Variants in TMEM232 observed in about 807,000 individuals in gnomAD.
TMEM232 encodes transmembrane protein 232.
TMEM232 carries 80 observed loss-of-function variants against 78.8 expected under a neutral mutation model. The observed-to-expected ratio is 1.01, with a 90% CI of 0.85 to 1.22. The LOEUF is 1.22. Among genes scored for constraint, TMEM232 ranks in the 50% most tolerant of loss-of-function variants. TMEM232 has a pLI of 0.00. For synonymous variants in TMEM232, 297 were observed against 254.3 expected, an observed-to-expected ratio of 1.17 and a Z score of -1.60; for missense variants, 881 against 742.2, an observed-to-expected ratio of 1.19 and a Z score of -2.17.
At chr5:110,526,672 A>C (rs1403399124) in intron 12 of TMEM232, among the ~76,000 whole-genome samples, 1 of 152,082 alleles carries the variant, frequency 6.6e-6, no homozygotes, top group East Asian at 1.9e-4. Context: ...AAAGGCATAT[A>C]TACTTTGACC....
intron 4 of TMEM232, among the ~76,000 whole-genome samples, chr5:110,639,836 G>C (rs139897001): frequency 0.024 from 3,684 of 152,298 alleles, 44 homozygotes; most frequent in African/African-American, 0.032. Flanking sequence ...GTTCACCATA[G>C]GCTTCACACA....
At chr5:110,452,997 A>G (rs1423799640) in intron 12 of TMEM232, among the ~76,000 whole-genome samples, 1 of 152,204 alleles carries the variant, frequency 6.6e-6, no homozygotes, top group African/African-American at 2.4e-5. Flanking sequence ...AATCATAGCT[A>G]ATTCATGAAG....
chr5:110,472,344 A>T (rs1034030111), intron 12 of TMEM232, among the ~76,000 whole-genome samples: 1 of 152,002 alleles, frequency 6.6e-6, no homozygotes, highest in African/African-American at 2.4e-5. Flanking sequence ...CTAAGGAGGT[A>T]AAAAATCTCC....
At chr5:110,614,200 T>C (rs1354553433) in intron 8 of TMEM232, among the ~76,000 whole-genome samples, 1 of 152,120 alleles carries the variant, frequency 6.6e-6, no homozygotes, top group Non-Finnish European at 1.5e-5. Context: ...CTTCTTCACT[T>C]GATAATTTCC....
At chr5:110,467,993 T>A (rs1392573580) in intron 12 of TMEM232, among the ~76,000 whole-genome samples, 1 of 151,746 alleles carries the variant, frequency 6.6e-6, no homozygotes, top group Non-Finnish European at 1.5e-5. Flanking sequence ...TTGTGGCCAA[T>A]CCCCACTTTT....
At chr5:110,461,517 T>A (rs1761528308) in intron 12 of TMEM232, among the ~76,000 whole-genome samples, 1 of 152,210 alleles carries the variant, frequency 6.6e-6, no homozygotes, top group Non-Finnish European at 1.5e-5. Flanking sequence ...CAGCAAGTTA[T>A]CCAAAGGATA....
chr5:110,569,514 G>A (rs1416157176), intron 10 of TMEM232, among the ~76,000 whole-genome samples: 1 of 151,820 alleles, frequency 6.6e-6, no homozygotes, highest in Non-Finnish European at 1.5e-5. Context: ...AGAAGAATAA[G>A]AAGAGGAAAT....
intron 12 of TMEM232, among the ~76,000 whole-genome samples, chr5:110,508,932 A>T (rs1192812734): frequency 7.1e-6 from 1 of 141,274 alleles, no homozygotes; most frequent in Non-Finnish European, 1.5e-5. Context: ...ATATATAATT[A>T]TATATATACA....
chr5:110,538,738 C>T (rs1425386540), intron 11 of TMEM232, among the ~76,000 whole-genome samples: 2 of 152,132 alleles, frequency 1.3e-5, no homozygotes, highest in South Asian at 2.1e-4. Context: ...TTCCTCACTG[C>T]CCCTGTCCAG....
At chr5:110,515,765 C>A (rs371190229) in intron 12 of TMEM232, among the ~76,000 whole-genome samples, 13 of 152,192 alleles carry the variant, frequency 8.5e-5, no homozygotes, top group Non-Finnish European at 5.9e-5. Flanking sequence ...TCTACTACTA[C>A]GGCACCAGCT....
At chr5:110,674,847 C>A (rs1448604978) in intron 1 of TMEM232, among the ~76,000 whole-genome samples, 2 of 152,062 alleles carry the variant, frequency 1.3e-5, no homozygotes, top group African/African-American at 2.4e-5. Flanking sequence ...TTCATTGCAA[C>A]TTTAGAAACG....
rs1330365979 is a variant in TMEM232 at position 110,528,596 on chromosome 5, G to A, written c.1695C>T (p.Phe565=). ...ATAGTACTTCTCTTTACCTTACAGT[G>A]AAATGTAGAACTTGCTTTTTCACAG... is the stretch of plus-strand genomic sequence containing the variant. The part of the protein sequence containing the change: ...LESVKKQVLH[F]TVREHPSVSE... Residue 565 remains phenylalanine, a synonymous_variant, in exon 12 of 14, where the codon TTC becomes TTT. Transcript: ENST00000455884. The A allele has an allele frequency of 2.0e-6, 3 of 1,529,556 alleles. No homozygotes were observed. In the South Asian group the frequency reaches 3.6e-5, roughly 19 times the overall value. The allele number at this position is 1,529,556 out of a possible 1,614,324, so 94.7% of individuals were successfully genotyped here. A position where few individuals can be genotyped will look rare whatever the true frequency, so the allele number is the denominator to read the frequency against.
At chr5:110,478,591 AT>A (rs1561545710) in intron 12 of TMEM232, among the ~76,000 whole-genome samples, 1 of 151,934 alleles carries the variant, frequency 6.6e-6, no homozygotes, top group African/African-American at 2.4e-5. Flanking sequence ...ATTATACAAA[AT>A]AAGATTCAGA....
intron 1 of TMEM232, among the ~76,000 whole-genome samples, chr5:110,689,778 C>T (rs1217457627): frequency 6.6e-6 from 1 of 151,958 alleles, no homozygotes; most frequent in Non-Finnish European, 1.5e-5. Flanking sequence ...GTACTGGTAC[C>T]AAAACAGATA....
At chr5:110,654,308 T>C (rs1380861740) in intron 2 of TMEM232, among the ~76,000 whole-genome samples, 1 of 152,226 alleles carries the variant, frequency 6.6e-6, no homozygotes, top group Non-Finnish European at 1.5e-5. Context: ...CTTTAATCCA[T>C]CTTGAATTAA....
chr5:110,388,638 T>TC (rs200541940), intron 4 of TMEM232, among the ~76,000 whole-genome samples: 2,188 of 152,270 alleles, frequency 0.014, 36 homozygotes, highest in Admixed American at 0.032. Flanking sequence ...AATCACATCT[T>TC]CCCAATCCAG....
chr5:110,727,125 A>C (rs28625714), upstream of TMEM232, among the ~76,000 whole-genome samples: 1,844 of 152,284 alleles, frequency 0.012, 46 homozygotes, highest in African/African-American at 0.042. Flanking sequence ...TATGTACTAA[A>C]CACCAGAGGG....
Position 110,678,254 on chromosome 5 carries a change from G to A in TMEM232, c.-12-10890C>T, listed in dbSNP as rs1043644616. ...TAATTTTTGTATTTTTAGTAGAGAC[G>A]GGGTTTCACCATGTTGCCTAGGATG... On this transcript the variant is annotated intron_variant, in intron 1 of 13. Coordinates refer to ENST00000455884, the MANE Select transcript of TMEM232 (RefSeq NM_001039763.4). Among the ~76,000 whole-genome samples the A allele has an allele frequency of 5.9e-5, 9 of 151,864 alleles. No individual in the cohort carries two copies. In the South Asian group the frequency reaches 1.5e-3, roughly 25 times the overall value.
At chr5:110,493,612 T>C (rs1765335625) in intron 12 of TMEM232, among the ~76,000 whole-genome samples, 1 of 152,052 alleles carries the variant, frequency 6.6e-6, no homozygotes, top group Non-Finnish European at 1.5e-5. Flanking sequence ...TGTGTAAATA[T>C]TGGCTACTCT....
Sources: gnomAD v4.1 joint callset for allele counts (sites outside exome capture counted in the v4.1 genomes callset) on GRCh38, gnomAD v4.1.1 for gene constraint, MANE v1.5 for transcripts, NCBI Gene and HGNC (gene_info 2026-07-23, HGNC 2026-07-21) for gene names.